The following UNC13C variants were observed in gnomAD, a reference collection of about 807,000 sequenced individuals.
The protein encoded by UNC13C is unc-13 homolog C.
Under a neutral mutation model 245.4 loss-of-function variants are expected in UNC13C, and 174 were observed. The observed-to-expected ratio is 0.71, with a 90% CI of 0.63 to 0.80. The LOEUF (loss-of-function observed/expected upper bound fraction) is 0.80, where lower values mean the gene tolerates loss of function less well. UNC13C is among the 30% of genes least tolerant of loss of function. UNC13C has a pLI of 0.00. For missense variants in UNC13C, 2,829 were observed against 2,602.9 expected, an observed-to-expected ratio of 1.09 and a Z score of -1.89; for synonymous variants, 992 against 895.1, an observed-to-expected ratio of 1.11 and a Z score of -1.93.
intron 2 of UNC13C, among the ~76,000 whole-genome samples, chr15:54,037,621 G>A (rs1174687097): frequency 6.6e-6 from 1 of 152,082 alleles, no homozygotes; most frequent in East Asian, 1.9e-4. Flanking sequence ...TATGGTAGGA[G>A]ATACTTCTAA....
chr15:53,871,433 C>G, the UNC13C span, among the ~76,000 whole-genome samples: 1 of 152,184 alleles, frequency 6.6e-6, no homozygotes, highest in Non-Finnish European at 1.5e-5. Context: ...CCAGTCTAAG[C>G]TGGCTGATCA....
intron 13 of UNC13C, among the ~76,000 whole-genome samples, chr15:54,319,383 G>A (rs1160594096): frequency 6.7e-6 from 1 of 149,722 alleles, no homozygotes; most frequent in Admixed American, 6.7e-5. Context: ...AAATAATATT[G>A]TTTGTGGATT....
chr15:54,092,321 T>C (rs898081625), intron 2 of UNC13C, among the ~76,000 whole-genome samples: 1 of 152,196 alleles, frequency 6.6e-6, no homozygotes, highest in Non-Finnish European at 1.5e-5. Context: ...TTTGGGCTGA[T>C]AGGGTCACAA....
chr15:54,297,504 C>T (rs910120950), intron 11 of UNC13C, among the ~76,000 whole-genome samples: 4 of 150,132 alleles, frequency 2.7e-5, no homozygotes, highest in African/African-American at 7.4e-5. Context: ...AGGCAAGCAC[C>T]AACACACCTG....
At chr15:54,490,024 T>G (rs1163109541) in intron 19 of UNC13C, among the ~76,000 whole-genome samples, 3 of 152,204 alleles carry the variant, frequency 2.0e-5, no homozygotes, top group African/African-American at 4.8e-5. Context: ...CTCCCCTGTT[T>G]CTGTCCACGG....
the UNC13C span, among the ~76,000 whole-genome samples, chr15:53,890,269 G>A: frequency 6.6e-6 from 1 of 152,046 alleles, no homozygotes. Flanking sequence ...AGCCTCCTGA[G>A]TAGCTGGGAC....
intron 19 of UNC13C, among the ~76,000 whole-genome samples, chr15:54,435,584 G>T (rs1372745106): frequency 1.2e-4 from 18 of 151,000 alleles, no homozygotes; most frequent in Admixed American, 1.2e-3. Flanking sequence ...TCGGTGGGTG[G>T]GGGTGGGGGA....
At position 54,322,070 on chromosome 15, in the gene UNC13C, A is replaced by G. The variant is rs374629412; in HGVS notation, c.4400A>G (p.Asp1467Gly). ...ACAAACATACAGGTTTCTGCCTCAG[A>G]TCGATTTGCTGCTACCAACTTTGGT... ...VSTNIQVSASDRFAATNFGRE... is the reference protein window; with the variant it reads ...VSTNIQVSASGRFAATNFGRE... The change falls in exon 14 of 33, where the codon GAT (aspartate) becomes GGT (glycine). Residue 1467 changes from aspartate to glycine, a missense_variant. Coordinates refer to ENST00000260323, the MANE Select transcript of UNC13C (RefSeq NM_001080534.3). 6 of 1,583,490 alleles carry G rather than the reference A, an allele frequency of 3.8e-6. No homozygotes were observed. In the East Asian group the frequency reaches 1.4e-4, roughly 36 times the overall value.
intron 18 of UNC13C, among the ~76,000 whole-genome samples, chr15:54,402,353 T>C (rs968006405): frequency 6.6e-6 from 1 of 152,186 alleles, no homozygotes; most frequent in Non-Finnish European, 1.5e-5. Context: ...ATGGAAAGAA[T>C]TCAAATACTT....
intron 2 of UNC13C, among the ~76,000 whole-genome samples, chr15:54,056,309 G>A (rs996786767): frequency 2.6e-5 from 4 of 152,128 alleles, no homozygotes; most frequent in East Asian, 1.9e-4. Context: ...CCTACGTGAC[G>A]AATGCACAAG....
intron 10 of UNC13C, among the ~76,000 whole-genome samples, chr15:54,280,394 C>T (rs2036945513): frequency 6.6e-6 from 1 of 151,574 alleles, no homozygotes; most frequent in South Asian, 2.1e-4. Flanking sequence ...CATGTATCTA[C>T]TTTGATAACA....
chr15:54,168,515 T>G (rs2141279561), intron 4 of UNC13C, among the ~76,000 whole-genome samples: 1 of 152,306 alleles, frequency 6.6e-6, no homozygotes, highest in South Asian at 2.1e-4. Flanking sequence ...GTTTTCAGCG[T>G]TCAACTTTTA....
chr15:54,462,619 G>T (rs556829835), intron 19 of UNC13C, among the ~76,000 whole-genome samples: 1 of 152,222 alleles, frequency 6.6e-6, no homozygotes, highest in Non-Finnish European at 1.5e-5. Context: ...CGGAGGGGGC[G>T]CCGGGTCCCC....
chr15:54,021,712 C>T (rs1245572906), intron 2 of UNC13C, among the ~76,000 whole-genome samples: 3 of 152,120 alleles, frequency 2.0e-5, no homozygotes, highest in Admixed American at 6.5e-5. Context: ...CCCTGAGATG[C>T]GTAATGACAC....
At chr15:54,228,672 G>A (rs1468021128) in intron 4 of UNC13C, among the ~76,000 whole-genome samples, 1 of 152,088 alleles carries the variant, frequency 6.6e-6, no homozygotes, top group Non-Finnish European at 1.5e-5. Flanking sequence ...GCCTGGAATG[G>A]GAGTCTCAGA....
the UNC13C span, among the ~76,000 whole-genome samples, chr15:53,882,513 T>G: frequency 6.6e-6 from 1 of 152,336 alleles, no homozygotes; most frequent in African/African-American, 2.4e-5. Flanking sequence ...TCAGAATTAC[T>G]CACATTGGCA....
At chr15:54,436,406 A>G (rs2040987642) in intron 19 of UNC13C, among the ~76,000 whole-genome samples, 1 of 152,032 alleles carries the variant, frequency 6.6e-6, no homozygotes, top group Admixed American at 6.6e-5. Flanking sequence ...ACTTGGAACC[A>G]ACCCAAATGC....
At chr15:54,407,914 A>G (rs1567245676) in intron 18 of UNC13C, among the ~76,000 whole-genome samples, 1 of 152,074 alleles carries the variant, frequency 6.6e-6, no homozygotes, top group Non-Finnish European at 1.5e-5. Context: ...GTAAAAGAAA[A>G]GAATGGGCGG....
intron 32 of UNC13C, among the ~76,000 whole-genome samples, chr15:54,626,505 A>AAGAGGTACCCATTACCCTGG (rs1480633910): frequency 6.6e-6 from 1 of 152,090 alleles, no homozygotes. Flanking sequence ...AAATTCTACC[A>AAGAGGTACCCATTACCCTGG]AGAGGTACCC....
Sources: allele counts gnomAD v4.1 joint callset (sites outside exome capture counted in the v4.1 genomes callset), GRCh38; gene constraint gnomAD v4.1.1; transcripts MANE v1.5; gene names NCBI Gene and HGNC (gene_info 2026-07-23, HGNC 2026-07-21).